The following FBXL13 variants were observed in gnomAD, a reference collection of about 807,000 sequenced individuals.
FBXL13 encodes F-box and leucine-rich repeat protein 13.
Under a neutral mutation model 83.6 loss-of-function variants are expected in FBXL13, and 67 were observed. The ratio of observed to expected loss-of-function variants is 0.80; its 90% CI spans 0.66 to 0.98. The LOEUF (loss-of-function observed/expected upper bound fraction) is 0.98. FBXL13 is among the 50% of genes least tolerant of loss of function. FBXL13 has a pLI of 0.00. For missense variants in FBXL13, 822 were observed against 866.5 expected, an observed-to-expected ratio of 0.95 and a Z score of 0.64; for synonymous variants, 272 against 299.5, an observed-to-expected ratio of 0.91 and a Z score of 0.95.
At chr7:103,047,229 C>G (rs1044481098) in intron 2 of FBXL13, among the ~76,000 whole-genome samples, 1 of 152,096 alleles carries the variant, frequency 6.6e-6, no homozygotes, top group African/African-American at 2.4e-5. Flanking sequence ...ATGTATAAGT[C>G]ATTATATCAA....
At chr7:102,853,209 A>T (rs1357349862) in intron 17 of FBXL13, among the ~76,000 whole-genome samples, 1 of 152,152 alleles carries the variant, frequency 6.6e-6, no homozygotes, top group Non-Finnish European at 1.5e-5. Context: ...AAAAGACTAC[A>T]AATTGAGTAC....
intron 1 of FBXL13, among the ~76,000 whole-genome samples, chr7:103,056,642 G>C (rs536613713): frequency 1.3e-5 from 2 of 152,182 alleles, no homozygotes; most frequent in African/African-American, 4.8e-5. Context: ...ATTTGTAGTA[G>C]AGACAGGGTT....
chr7:102,834,912 GTGTGTA>G, intron 17 of FBXL13, among the ~76,000 whole-genome samples: 1 of 145,644 alleles, frequency 6.9e-6, no homozygotes, highest in African/African-American at 2.6e-5. Context: ...GTGTGTGTGT[GTGTGTA>G]TCAAAACAGC....
At chr7:102,820,418 G>C (rs1433959009) in intron 19 of FBXL13, among the ~76,000 whole-genome samples, 1 of 152,172 alleles carries the variant, frequency 6.6e-6, no homozygotes, top group South Asian at 2.1e-4. Flanking sequence ...TGGGGTTTTG[G>C]GACAAAGCTC....
intron 2 of FBXL13, among the ~76,000 whole-genome samples, chr7:103,045,996 C>T (rs536138805): frequency 2.6e-5 from 4 of 152,240 alleles, no homozygotes; most frequent in East Asian, 1.9e-4. Context: ...TTAAAACCTT[C>T]GAGAGAATAC....
intron 2 of FBXL13, among the ~76,000 whole-genome samples, chr7:103,040,463 G>A (rs1339526328): frequency 6.6e-6 from 1 of 152,014 alleles, no homozygotes; most frequent in Admixed American, 6.6e-5. Flanking sequence ...CTCAGCTCTG[G>A]ACCAAGGAGA....
intron 16 of FBXL13, among the ~76,000 whole-genome samples, chr7:102,873,649 CT>C (rs1396258365): frequency 2.0e-5 from 3 of 152,188 alleles, no homozygotes; most frequent in African/African-American, 4.8e-5. Context: ...ACTGAATGTC[CT>C]TCCACGGTCC....
In FBXL13 at chr7:102,903,444, T is replaced by G. The variant is rs148739853; in HGVS notation, c.1008+9642A>C. ...TGATTGCTCTAGCTAGGACTTTCAGTACTATGTTGAATAACAGTAGTGACA... is the reference window on the plus strand; with the variant it reads ...TGATTGCTCTAGCTAGGACTTTCAGGACTATGTTGAATAACAGTAGTGACA... On this transcript the variant is annotated intron_variant, in intron 11 of 19. Coordinates refer to ENST00000313221, the Ensembl canonical transcript of FBXL13. Among the ~76,000 whole-genome samples, 228 of 152,270 alleles carry G rather than the reference T, an allele frequency of 1.5e-3. 6 individuals carry two copies. The East Asian group carries it at 0.041, about 27-fold the overall frequency.
chr7:103,008,847 C>A (rs565912486), intron 6 of FBXL13, among the ~76,000 whole-genome samples: 1 of 152,010 alleles, frequency 6.6e-6, no homozygotes, highest in African/African-American at 2.4e-5. Context: ...CGTGAGCCAC[C>A]GCGCCCAGCT....
chr7:102,984,098 T>A (rs1828629717), intron 6 of FBXL13, among the ~76,000 whole-genome samples: 1 of 152,208 alleles, frequency 6.6e-6, no homozygotes, highest in Non-Finnish European at 1.5e-5. Context: ...GAACATCCAA[T>A]GGAGATATTT....
At chr7:102,940,268 G>C (rs934320731) in intron 8 of FBXL13, among the ~76,000 whole-genome samples, 8 of 150,054 alleles carry the variant, frequency 5.3e-5, no homozygotes, top group African/African-American at 2.0e-4. Flanking sequence ...GGAGTGCAAT[G>C]GTGCAATCTC....
chr7:103,045,996 C>G (rs536138805), intron 2 of FBXL13, among the ~76,000 whole-genome samples: 3 of 152,120 alleles, frequency 2.0e-5, no homozygotes, highest in Non-Finnish European at 2.9e-5. Context: ...TTAAAACCTT[C>G]GAGAGAATAC....
intron 11 of FBXL13, among the ~76,000 whole-genome samples, chr7:102,901,093 G>A (rs1004559224): frequency 1.3e-5 from 2 of 152,192 alleles, no homozygotes; most frequent in African/African-American, 4.8e-5. Flanking sequence ...AGGGAGGGAG[G>A]CTGACTTAGC....
chr7:103,011,078 C>A (rs752166716), intron 6 of FBXL13, among the ~76,000 whole-genome samples: 1 of 152,144 alleles, frequency 6.6e-6, no homozygotes, highest in Non-Finnish European at 1.5e-5. Context: ...CAAGAGACAT[C>A]GGCCCACACA....
intron 8 of FBXL13, chr7:102,933,161 C>A (rs1819548811): frequency 1.3e-5 from 2 of 152,044 alleles, no homozygotes; most frequent in Non-Finnish European, 2.9e-5. Context: ...GAAGTTTTCA[C>A]TGAAAAGGTA....
intron 8 of FBXL13, among the ~76,000 whole-genome samples, chr7:102,948,754 C>T (rs1822946217): frequency 6.6e-6 from 1 of 151,342 alleles, no homozygotes; most frequent in Non-Finnish European, 1.5e-5. Context: ...CTCTGTCACC[C>T]AAGCTGAAGT....
At chr7:103,014,600 G>A (rs1290293149) in intron 6 of FBXL13, among the ~76,000 whole-genome samples, 1 of 152,200 alleles carries the variant, frequency 6.6e-6, no homozygotes, top group East Asian at 1.9e-4. Flanking sequence ...TATCCTTGAT[G>A]AATATGGATG....
chr7:102,977,031 CCAA>C (rs1464727425), intron 6 of FBXL13, among the ~76,000 whole-genome samples: 1 of 152,142 alleles, frequency 6.6e-6, no homozygotes, highest in Non-Finnish European at 1.5e-5. Context: ...TGGGAAAACC[CCAA>C]CACCCATGGA....
At chr7:103,013,293 A>G (rs545126865) in intron 6 of FBXL13, among the ~76,000 whole-genome samples, 1 of 152,304 alleles carries the variant, frequency 6.6e-6, no homozygotes, top group Admixed American at 6.5e-5. Flanking sequence ...TACCTAATAT[A>G]AATCTACAGA....
Sources: allele counts gnomAD v4.1 joint callset (sites outside exome capture counted in the v4.1 genomes callset), GRCh38; gene constraint gnomAD v4.1.1; transcripts MANE v1.5; gene names NCBI Gene and HGNC (gene_info 2026-07-23, HGNC 2026-07-21).